The following ACYP2 variants were observed in gnomAD, a reference collection of about 807,000 sequenced individuals.
The protein encoded by ACYP2 is acylphosphatase-2.
ACYP2 carries 12 observed loss-of-function variants against 11.2 expected under a neutral mutation model. That is an observed-to-expected ratio of 1.08 (90% CI 0.69 to 1.74). ACYP2 has a LOEUF of 1.74. Ranked by LOEUF, ACYP2 falls within the 40% of genes most tolerant of loss-of-function variation. ACYP2 has a pLI of 0.00. For synonymous variants in ACYP2, 43 were observed against 32.2 expected, an observed-to-expected ratio of 1.33 and a Z score of -1.13; for missense variants, 134 against 101.9, an observed-to-expected ratio of 1.31 and a Z score of -1.35.
intron 2 of ACYP2, among the ~76,000 whole-genome samples, chr2:54,031,653 G>T (rs1453773284): frequency 1.3e-5 from 2 of 152,176 alleles, no homozygotes; most frequent in Non-Finnish European, 2.9e-5. Flanking sequence ...TAATGGGATT[G>T]TTGGGTCAAA....
chr2:54,194,385 C>G (rs531835300), intron 6 of ACYP2, among the ~76,000 whole-genome samples: 1 of 152,140 alleles, frequency 6.6e-6, no homozygotes, highest in Admixed American at 6.6e-5. Context: ...GGATTTTAGT[C>G]AATTCTACAG....
At chr2:54,059,032 G>A (rs1385401066) in intron 4 of ACYP2, among the ~76,000 whole-genome samples, 1 of 152,108 alleles carries the variant, frequency 6.6e-6, no homozygotes, top group Non-Finnish European at 1.5e-5. Context: ...TGGTCATGCT[G>A]GCCTAAGCCA....
In ACYP2 at chr2:54,051,792, C is replaced by G. The variant is rs1407221264; in HGVS notation, c.155+742C>G. The G allele has an allele frequency of 7.0e-6, 3 of 426,312 alleles. No individual in the cohort carries two copies. In the Admixed American group the frequency reaches 1.1e-4, roughly 16 times the overall value. 26.4% of individuals were successfully genotyped at this position (426,312 alleles called of 1,614,324 possible). A position where few individuals can be genotyped will look rare whatever the true frequency, so the allele number is the denominator to read the frequency against. On this transcript the variant is annotated intron_variant, in intron 3 of 6. Coordinates refer to ENST00000607452, the MANE Select transcript of ACYP2 (RefSeq NM_001320586.2). The stretch of plus-strand genomic sequence containing the variant: ...AGGCTCAGTGGCTCACACCTGTAAT[C>G]CCGGCACTTTGGGAGGCCGAGGCAG...
At chr2:54,096,652 G>A (rs544143264) in intron 4 of ACYP2, among the ~76,000 whole-genome samples, 2 of 152,160 alleles carry the variant, frequency 1.3e-5, no homozygotes, top group Admixed American at 6.5e-5. Context: ...CCAACACAGC[G>A]AAACCCCGTC....
At chr2:54,078,278 C>T (rs563433342) in intron 4 of ACYP2, among the ~76,000 whole-genome samples, 14 of 151,648 alleles carry the variant, frequency 9.2e-5, no homozygotes, top group East Asian at 5.8e-4. Context: ...ATCTCTGACA[C>T]GGGGAAGTGT....
intron 6 of ACYP2, among the ~76,000 whole-genome samples, chr2:54,196,369 TAAGATTTGTCCTTTAAAAAA>T (rs1323225693): frequency 1.3e-5 from 2 of 152,050 alleles, no homozygotes; most frequent in Admixed American, 6.6e-5. Flanking sequence ...TAACCTATTT[TAAGATTTGTCCTTTAAAAAA>T]AAGATTTGTC....
intron 4 of ACYP2, among the ~76,000 whole-genome samples, chr2:54,083,534 T>C (rs1302502578): frequency 6.6e-6 from 1 of 152,144 alleles, no homozygotes; most frequent in Non-Finnish European, 1.5e-5. Flanking sequence ...GAACAGCCAT[T>C]GTTGGTGTGG....
chr2:54,304,822 C>A lies in ACYP2; in HGVS notation c.*20C>A. The A allele has an allele frequency of 7.4e-7, 1 of 1,345,430 alleles. No homozygotes were observed. The highest frequency in any genetic ancestry group is 1.1e-6 in the Non-Finnish European group (1 of 943,106). The allele number at this position is 1,345,430 out of a possible 1,614,324, so 83.3% of individuals were successfully genotyped here. On this transcript the variant is annotated 3_prime_UTR_variant, in exon 7 of 7. Transcript: ENST00000607452. ...TACTAATAGAAGAGAAAAATTGTAA[C>A]ACACTGAACAATAGATACTGTATGT...
At chr2:54,097,821 A>G (rs1678672100) in intron 4 of ACYP2, among the ~76,000 whole-genome samples, 1 of 151,442 alleles carries the variant, frequency 6.6e-6, no homozygotes. Flanking sequence ...CTATTATTAT[A>G]CCTAATGAAT....
chr2:54,041,679 C>A (rs114556739), intron 2 of ACYP2, among the ~76,000 whole-genome samples: 15 of 152,154 alleles, frequency 9.9e-5, no homozygotes, highest in Non-Finnish European at 1.6e-4. Flanking sequence ...ATCTCAGTGT[C>A]AGAGGCGGCA....
chr2:54,102,856 G>C (rs879622260), intron 4 of ACYP2, among the ~76,000 whole-genome samples: 3 of 152,022 alleles, frequency 2.0e-5, no homozygotes, highest in Non-Finnish European at 4.4e-5. Flanking sequence ...ATAGCTCCAG[G>C]GTTAAATGAT....
intron 2 of ACYP2, among the ~76,000 whole-genome samples, chr2:54,040,939 G>T (rs1328635838): frequency 6.6e-6 from 1 of 152,212 alleles, no homozygotes; most frequent in African/African-American, 2.4e-5. Context: ...AGTGTTCATA[G>T]ATAGGTGGAA....
At chr2:54,077,052 A>G (rs1266052587) in intron 4 of ACYP2, among the ~76,000 whole-genome samples, 3 of 152,248 alleles carry the variant, frequency 2.0e-5, no homozygotes, top group Non-Finnish European at 4.4e-5. Context: ...TTTTCTTTGT[A>G]TACAGAGCTA....
chr2:54,153,264 A>G (rs201163009), intron 6 of ACYP2, among the ~76,000 whole-genome samples: 12 of 26,790 alleles, frequency 4.5e-4, no homozygotes, highest in South Asian at 1.5e-3. Flanking sequence ...GAACCTTTGG[A>G]AAAAAAAAAA....
chr2:54,203,484 A>G (rs920683362), intron 6 of ACYP2, among the ~76,000 whole-genome samples: 6 of 152,194 alleles, frequency 3.9e-5, no homozygotes, highest in Non-Finnish European at 5.9e-5. Context: ...TGCTCTGGCT[A>G]GAGTTCCAGT....
chr2:54,066,970 T>C (rs1441736016), intron 4 of ACYP2, among the ~76,000 whole-genome samples: 2 of 152,214 alleles, frequency 1.3e-5, no homozygotes, highest in Admixed American at 1.3e-4. Flanking sequence ...AATCTGAGAT[T>C]TGAATCTGAA....
chr2:54,115,787 A>C, intron 4 of ACYP2, 31 bp downstream of exon 1: 1 of 1,579,190 alleles, frequency 6.3e-7, no homozygotes. Context: ...GGGAGATCAA[A>C]AAGGTTATGG....
intron 6 of ACYP2, among the ~76,000 whole-genome samples, chr2:54,300,539 G>T (rs1338038158): frequency 6.6e-6 from 1 of 152,198 alleles, no homozygotes; most frequent in East Asian, 1.9e-4. Context: ...CAGTTTCAGA[G>T]CTCCTTAAGT....
At chr2:54,115,183 A>G (rs1456468864) in intron 4 of ACYP2, among the ~76,000 whole-genome samples, 1 of 152,144 alleles carries the variant, frequency 6.6e-6, no homozygotes, top group Non-Finnish European at 1.5e-5. Flanking sequence ...TAGATCTTAA[A>G]TGTTCTCTTC....
Sources: gnomAD v4.1 joint callset for allele counts (sites outside exome capture counted in the v4.1 genomes callset) on GRCh38, gnomAD v4.1.1 for gene constraint, MANE v1.5 for transcripts, NCBI Gene and HGNC (gene_info 2026-07-23, HGNC 2026-07-21) for gene names.